Variants in NUP93 observed in about 807,000 individuals in gnomAD.
NUP93 encodes the protein nucleoporin 93.
NUP93 carries 55 observed loss-of-function variants against 107.8 expected under a neutral mutation model. The ratio of observed to expected loss-of-function variants is 0.51; its 90% confidence interval spans 0.41 to 0.64. NUP93 has a LOEUF of 0.64. Among genes scored for constraint, NUP93 ranks in the 30% least tolerant of loss-of-function variants. NUP93 has a pLI of 0.00. For synonymous variants in NUP93, 390 were observed against 397.5 expected (o/e 0.98, Z 0.22); for missense variants, 937 against 1,044.7 (o/e 0.90, Z 1.42).
intron 1 of NUP93, among the ~76,000 whole-genome samples, chr16:56,741,523 A>G (rs1357008393): frequency 6.6e-6 from 1 of 152,180 alleles, no homozygotes; most frequent in Admixed American, 6.5e-5. Flanking sequence ...TCCGTCTAAA[A>G]TATGTTTTTA....
intron 3 of NUP93, among the ~76,000 whole-genome samples, chr16:56,764,389 T>TTAAG (rs1463899119): frequency 6.6e-6 from 1 of 151,852 alleles, no homozygotes; most frequent in Non-Finnish European, 1.5e-5. Flanking sequence ...ACTCAGGAGG[T>TTAAG]TAAGACAGGA....
intron 3 of NUP93, among the ~76,000 whole-genome samples, chr16:56,767,067 C>T (rs1205335917): frequency 6.6e-6 from 1 of 152,232 alleles, no homozygotes; most frequent in East Asian, 1.9e-4. Flanking sequence ...AATGTGTTCC[C>T]CAAGCCCAGG....
chr16:56,811,572 G>A (rs1411434147), intron 5 of NUP93, among the ~76,000 whole-genome samples: 1 of 151,884 alleles, frequency 6.6e-6, no homozygotes, highest in African/African-American at 2.4e-5. Flanking sequence ...GTGGAATGGC[G>A]TGATTCTCGT....
intron 5 of NUP93, among the ~76,000 whole-genome samples, chr16:56,812,947 G>C (rs1213589868): frequency 1.3e-5 from 2 of 152,128 alleles, no homozygotes; most frequent in Non-Finnish European, 2.9e-5. Context: ...GGGAATCTAT[G>C]ATGTACCTTA....
intron 6 of NUP93, among the ~76,000 whole-genome samples, chr16:56,819,656 T>G (rs1963504206): frequency 6.6e-6 from 1 of 152,210 alleles, no homozygotes; most frequent in South Asian, 2.1e-4. Flanking sequence ...AGTGAGAAAC[T>G]GTTAGACCCT....
At chr16:56,829,172 T>G (rs1369578679) in intron 9 of NUP93, 63 bp downstream of exon 9, 3 of 1,550,668 alleles carry the variant, frequency 1.9e-6, no homozygotes, top group African/African-American at 2.8e-5. Flanking sequence ...CAGATGGGCA[T>G]TTTCAGTTAA....
At chr16:56,836,546 A>G (rs1567412603) in intron 16 of NUP93, 55 bp from the exon 17 acceptor site, 1 of 1,053,604 alleles carries the variant, frequency 9.5e-7, no homozygotes. Flanking sequence ...GTTTAAAATA[A>G]TAGCTCTGTG....
intron 1 of NUP93, among the ~76,000 whole-genome samples, chr16:56,740,368 C>T (rs879822869): frequency 1.3e-4 from 19 of 149,510 alleles, no homozygotes; most frequent in Non-Finnish European, 2.4e-4. Flanking sequence ...CGGGCAGAGG[C>T]GCTCCTCACA....
chr16:56,837,521 C>G (rs538952164), intron 17 of NUP93, 87 bp from the exon 18 acceptor site: 2 of 1,071,646 alleles, frequency 1.9e-6, no homozygotes, highest in African/African-American at 3.1e-5. Context: ...CCAGAAAGTT[C>G]TCTTTGGTGG....
intron 3 of NUP93, among the ~76,000 whole-genome samples, chr16:56,796,573 A>G (rs1448875744): frequency 6.6e-6 from 1 of 152,256 alleles, no homozygotes; most frequent in African/African-American, 2.4e-5. Flanking sequence ...CTAATTAACC[A>G]TGACAGTACG....
At chr16:56,808,580 ATATT>A (rs1266620553) in intron 5 of NUP93, among the ~76,000 whole-genome samples, 5 of 126,868 alleles carry the variant, frequency 3.9e-5, no homozygotes, top group Admixed American at 8.2e-5. Flanking sequence ...ATTTATATAA[ATATT>A]TATAAATATA....
intron 4 of NUP93, among the ~76,000 whole-genome samples, chr16:56,804,591 T>C (rs1392558447): frequency 6.6e-6 from 1 of 152,096 alleles, no homozygotes; most frequent in Admixed American, 6.6e-5. Flanking sequence ...ATGTACTTAA[T>C]ACCACTGAAC....
At chr16:56,785,992 A>G (rs1241071069) in intron 3 of NUP93, among the ~76,000 whole-genome samples, 2 of 152,192 alleles carry the variant, frequency 1.3e-5, no homozygotes, top group East Asian at 3.8e-4. Flanking sequence ...TTAGAAAACA[A>G]AAGACAGTGT....
At chr16:56,762,392 A>G (rs1366487554) in intron 3 of NUP93, among the ~76,000 whole-genome samples, 1 of 152,238 alleles carries the variant, frequency 6.6e-6, no homozygotes, top group Non-Finnish European at 1.5e-5. Context: ...GCATTAGGCT[A>G]TAATATTTTT....
At chr16:56,739,162 A>C (rs1597099575) in intron 1 of NUP93, among the ~76,000 whole-genome samples, 3 of 127,318 alleles carry the variant, frequency 2.4e-5, no homozygotes, top group Non-Finnish European at 3.3e-5. Flanking sequence ...TCTTTTCCCC[A>C]CCTTTCCCGC....
Position 56,748,290 on chromosome 16 carries a change from C to G in NUP93, c.43C>G (p.Gln15Glu), listed in dbSNP as rs1161557773. The change falls in exon 2 of 22, where the codon CAG (glutamine) becomes GAG (glutamate). Residue 15 changes from glutamine (Q) to glutamate (E), a missense_variant. Physicochemically the swap from Gln to Glu is conservative, Grantham distance 29. Transcript: ENST00000308159. ...GFGELLQQAE[Q>E]LAAETEGISE... ...TGGTGAGCTCCTTCAGCAAGCTGAACAGCTTGCTGCTGAGACTGAGGGCAT... is the reference window on the plus strand; with the variant it reads ...TGGTGAGCTCCTTCAGCAAGCTGAAGAGCTTGCTGCTGAGACTGAGGGCAT... The G allele has an allele frequency of 1.9e-6, 3 of 1,613,706 alleles. No individual in the cohort carries two copies. The highest frequency in any genetic ancestry group is 1.1e-5 in the South Asian group (1 of 91,072).
At chr16:56,764,589 C>T (rs1430507740) in intron 3 of NUP93, among the ~76,000 whole-genome samples, 1 of 152,186 alleles carries the variant, frequency 6.6e-6, no homozygotes, top group African/African-American at 2.4e-5. Context: ...TCTTCTGCTC[C>T]TTAAATGCAG....
intron 1 of NUP93, among the ~76,000 whole-genome samples, chr16:56,731,816 T>G (rs956843544): frequency 5.9e-5 from 9 of 152,180 alleles, no homozygotes; most frequent in Non-Finnish European, 1.3e-4. Context: ...GCTTCTGTCC[T>G]GGCCCCTGTT....
chr16:56,742,962 A>G (rs1961763286), intron 1 of NUP93, among the ~76,000 whole-genome samples: 1 of 152,200 alleles, frequency 6.6e-6, no homozygotes, highest in Non-Finnish European at 1.5e-5. Flanking sequence ...GATATGTGGG[A>G]TTTTAATATA....
Sources: allele counts gnomAD v4.1 joint callset (sites outside exome capture counted in the v4.1 genomes callset), GRCh38; gene constraint gnomAD v4.1.1; transcripts MANE v1.5; gene names NCBI Gene and HGNC (gene_info 2026-07-23, HGNC 2026-07-21).